Variants in KCNIP1 observed in about 807,000 individuals in gnomAD.
The protein encoded by KCNIP1 is A-type potassium channel modulatory protein KCNIP1.
In KCNIP1, 18 loss-of-function variants were observed where a neutral mutation model predicts 33.0. The ratio of observed to expected loss-of-function variants is 0.55; its 90% CI spans 0.38 to 0.81. The LOEUF is 0.81. KCNIP1 is among the 30% of genes least tolerant of loss of function. KCNIP1 has a pLI of 0.00. For synonymous variants in KCNIP1, 93 were observed against 98.3 expected, an observed-to-expected ratio of 0.95 and a Z score of 0.32; for missense variants, 238 against 271.6, an observed-to-expected ratio of 0.88 and a Z score of 0.87.
chr5:170,626,309 C>T (rs1759820425), intron 1 of KCNIP1, among the ~76,000 whole-genome samples: 1 of 152,144 alleles, frequency 6.6e-6, no homozygotes, highest in Non-Finnish European at 1.5e-5. Flanking sequence ...TCCAAGGCTC[C>T]CCAGCTGTTA....
chr5:170,697,967 C>G, intron 1 of KCNIP1, among the ~76,000 whole-genome samples: 1 of 152,078 alleles, frequency 6.6e-6, no homozygotes, highest in Non-Finnish European at 1.5e-5. Flanking sequence ...GATTTAATAA[C>G]AAGTCCTGCC....
At chr5:170,444,388 C>T (rs566639097) in intron 1 of KCNIP1, among the ~76,000 whole-genome samples, 1 of 152,278 alleles carries the variant, frequency 6.6e-6, no homozygotes, top group South Asian at 2.1e-4. Flanking sequence ...TCTCGTGCCT[C>T]CCTATGTCAT....
intron 1 of KCNIP1, among the ~76,000 whole-genome samples, chr5:170,696,857 G>A (rs1260859573): frequency 1.3e-5 from 2 of 152,042 alleles, no homozygotes; most frequent in African/African-American, 2.4e-5. Context: ...AAAGAGCATG[G>A]CCTTTTTCCT....
At chr5:170,604,708 C>G (rs1025540208) in intron 1 of KCNIP1, among the ~76,000 whole-genome samples, 13 of 152,188 alleles carry the variant, frequency 8.5e-5, no homozygotes, top group African/African-American at 2.9e-4. Context: ...CAGGAGGTTT[C>G]ATGCAGAGCT....
At chr5:170,604,687 G>A (rs986026788) in intron 1 of KCNIP1, among the ~76,000 whole-genome samples, 1 of 152,146 alleles carries the variant, frequency 6.6e-6, no homozygotes, top group Admixed American at 6.5e-5. Context: ...CCTTTGTCCA[G>A]GCACTGACAG....
intron 1 of KCNIP1, chr5:170,669,649 G>A (rs1761842015): frequency 1.0e-6 from 1 of 985,312 alleles, no homozygotes; most frequent in Non-Finnish European, 1.2e-6. Flanking sequence ...TCGGACTTCG[G>A]AGAGTTCCTG....
chr5:170,398,901 G>T (rs975953088), intron 1 of KCNIP1, among the ~76,000 whole-genome samples: 2 of 152,184 alleles, frequency 1.3e-5, no homozygotes, highest in South Asian at 2.1e-4. Context: ...GGAAAAGAGG[G>T]TCCTGATCCA....
At chr5:170,617,705 G>C (rs1759440345) in intron 1 of KCNIP1, among the ~76,000 whole-genome samples, 2 of 152,156 alleles carry the variant, frequency 1.3e-5, no homozygotes, top group African/African-American at 4.8e-5. Flanking sequence ...TGTCCTGCAG[G>C]AAAAAACTCT....
At chr5:170,386,860 A>G (rs1764495222) in intron 1 of KCNIP1, among the ~76,000 whole-genome samples, 1 of 152,036 alleles carries the variant, frequency 6.6e-6, no homozygotes, top group South Asian at 2.1e-4. Context: ...TTCTTTAGGC[A>G]GCAACTCCTT....
intron 1 of KCNIP1, among the ~76,000 whole-genome samples, chr5:170,594,438 A>G (rs952834473): frequency 6.6e-6 from 1 of 152,212 alleles, no homozygotes; most frequent in African/African-American, 2.4e-5. Context: ...ACTTCATAGT[A>G]TGAAAGCCAG....
At position 170,424,452 on chromosome 5, in the gene KCNIP1, C is replaced by T. The variant is rs147806527; in HGVS notation, c.88+70488C>T. ...CCTTGGCAACTCACACAAGGCTGCC[C>T]GAGAACAAAGGGTGCATCCCACCCC... On this transcript the variant is annotated intron_variant, in intron 1 of 7. Transcript: ENST00000377360. Among the ~76,000 whole-genome samples the T allele has an allele frequency of 7.7e-3, 1,175 of 152,262 alleles. 16 individuals carry two copies. Among genetic ancestry groups the T allele is most frequent in the African/African-American group, 0.026 (1,101 of 41,548 alleles).
At chr5:170,644,290 G>A (rs934312821) in intron 1 of KCNIP1, among the ~76,000 whole-genome samples, 1 of 152,262 alleles carries the variant, frequency 6.6e-6, no homozygotes, top group East Asian at 1.9e-4. Flanking sequence ...TGCCCTCATA[G>A]AGTGGCCTGA....
intron 1 of KCNIP1, among the ~76,000 whole-genome samples, chr5:170,652,607 G>A (rs111583910): frequency 0.064 from 9,770 of 152,172 alleles, 448 homozygotes; most frequent in Middle Eastern, 0.1. Flanking sequence ...ACAGAGGAAA[G>A]GGGGCATTGC....
chr5:170,377,021 A>G (rs1274065425), intron 1 of KCNIP1: 1 of 152,200 alleles, frequency 6.6e-6, no homozygotes, highest in Non-Finnish European at 1.5e-5. Flanking sequence ...AGAATCAAAG[A>G]GATGAAATCG....
chr5:170,554,681 C>T (rs746576349), intron 1 of KCNIP1, among the ~76,000 whole-genome samples: 2 of 152,202 alleles, frequency 1.3e-5, no homozygotes, highest in Non-Finnish European at 2.9e-5. Flanking sequence ...AATGTCTTTG[C>T]AGGCATGCTT....
chr5:170,369,908 T>C (rs1040430175), intron 1 of KCNIP1, among the ~76,000 whole-genome samples: 1 of 152,228 alleles, frequency 6.6e-6, no homozygotes, highest in African/African-American at 2.4e-5. Context: ...AAGTGGACTC[T>C]CAAGGAAGCT....
At chr5:170,531,384 T>A (rs1477967930) in intron 1 of KCNIP1, among the ~76,000 whole-genome samples, 2 of 152,212 alleles carry the variant, frequency 1.3e-5, no homozygotes, top group Non-Finnish European at 2.9e-5. Context: ...TAAGTTTTGC[T>A]GATGCTGGTA....
intron 1 of KCNIP1, among the ~76,000 whole-genome samples, chr5:170,701,065 AT>A (rs1298041097): frequency 4.6e-5 from 7 of 152,222 alleles, no homozygotes; most frequent in African/African-American, 1.7e-4. Flanking sequence ...AAACATTAAA[AT>A]TTTAAAAGCA....
At chr5:170,641,728 T>C (rs1015559514) in intron 1 of KCNIP1, among the ~76,000 whole-genome samples, 1 of 152,198 alleles carries the variant, frequency 6.6e-6, no homozygotes, top group Admixed American at 6.5e-5. Flanking sequence ...TAGCTTGCAC[T>C]GGGCTGCCTG....
Sources: allele counts gnomAD v4.1 joint callset (sites outside exome capture counted in the v4.1 genomes callset), GRCh38; gene constraint gnomAD v4.1.1; transcripts MANE v1.5; gene names NCBI Gene and HGNC (gene_info 2026-07-23, HGNC 2026-07-21).